IRS2: variants seen among roughly 807,000 people sequenced by gnomAD.
IRS2 encodes insulin receptor substrate 2.
In IRS2, 28 loss-of-function variants were observed where a neutral mutation model predicts 70.9. The observed-to-expected ratio is 0.39, with a 90% confidence interval of 0.29 to 0.54. The LOEUF is 0.54. IRS2 is among the 20% of genes least tolerant of loss of function. IRS2 has a pLI of 0.59. For missense variants in IRS2, 2,081 were observed against 2,024.1 expected (o/e 1.03, Z -0.54); for synonymous variants, 1,217 against 981.9 (o/e 1.24, Z -4.48).
In IRS2 at chr13:109,753,915, A is replaced by G; in HGVS notation, c.*2389T>C. The G allele has an allele frequency of 4.3e-6, 1 of 231,912 alleles. No homozygotes were observed. The highest frequency in any genetic ancestry group is 6.2e-5 in the East Asian group (1 of 16,222). 14.4% of individuals were successfully genotyped at this position (231,912 alleles called of 1,614,324 possible). A position where few individuals can be genotyped will look rare whatever the true frequency, so the allele number is the denominator to read the frequency against. On this transcript the variant is annotated 3_prime_UTR_variant, in exon 2 of 2. Transcript: ENST00000375856. Reference sequence around the variant, plus strand: ...CATCCATGATCAATACAGACTAAATACAATGCACTATTCTAGTCCAGTTTA... The same window carrying G: ...CATCCATGATCAATACAGACTAAATGCAATGCACTATTCTAGTCCAGTTTA...
At chr13:109,780,275 ACTG>A (rs926732335) in intron 1 of IRS2, among the ~76,000 whole-genome samples, 28 of 152,166 alleles carry the variant, frequency 1.8e-4, no homozygotes, top group Admixed American at 1.3e-4. Flanking sequence ...ACTCAATTAT[ACTG>A]CTGCTGCTGC....
rs762509739 is a variant in IRS2 at position 109,782,128 on chromosome 13, G to A, written c.3926C>T (p.Pro1309Leu). The change falls in exon 1 of 2, where the codon CCG becomes CTG. Residue 1309 changes from proline to leucine, a missense_variant. By Grantham distance (98) the Pro-to-Leu change is moderately conservative. Coordinates refer to ENST00000375856, the MANE Select transcript of IRS2 (RefSeq NM_003749.3). ...GGCAGGGGGCAGGGCACCGGGACCCGGCCCCCCGCACCCGCCGCCGGTGCT... is the reference window on the plus strand; with the variant it reads ...GGCAGGGGGCAGGGCACCGGGACCCAGCCCCCCGCACCCGCCGCCGGTGCT... ...VGSTGGGCGGPGPGALPPANT... is the reference protein window; with the variant it reads ...VGSTGGGCGGLGPGALPPANT... The A allele has an allele frequency of 1.9e-6, 3 of 1,608,516 alleles. No homozygotes were observed. The highest frequency in any genetic ancestry group is 1.3e-5 in the African/African-American group (1 of 74,980).
In IRS2 at chr13:109,783,010, G is replaced by T. The variant is rs1240130819; in HGVS notation, c.3044C>A (p.Pro1015Gln). The change falls in exon 1 of 2, where the codon CCG becomes CAG. Residue 1015 changes from proline to glutamine, a missense_variant. Coordinates refer to ENST00000375856, the MANE Select transcript of IRS2 (RefSeq NM_003749.3). ...LLSPEASSPY[P>Q]PLPPRPSASP... ...CGCGGACGGACGCGGGGGCAACGGC[G>T]GATACGGGGAGGAGGCCTCGGGGGA... 4 of 1,363,144 alleles carry T rather than the reference G, an allele frequency of 2.9e-6. No homozygotes were observed. The highest frequency in any genetic ancestry group is 3.8e-6 in the Non-Finnish European group (4 of 1,062,818). The allele number at this position is 1,363,144 out of a possible 1,614,324, so 84.4% of individuals were successfully genotyped here.
Position 109,785,086 on chromosome 13 carries a change from C to T in IRS2, c.968G>A (p.Arg323His), listed in dbSNP as rs2138937454. 2 of 1,580,090 alleles carry T rather than the reference C, an allele frequency of 1.3e-6. No homozygotes were observed. The highest frequency in any genetic ancestry group is 8.6e-7 in the Non-Finnish European group (1 of 1,164,388). Residue 323 changes from arginine to histidine, a missense_variant, in exon 1 of 2, where the codon CGC becomes CAC. By Grantham distance (29) the Arg-to-His change is conservative (BLOSUM62 0). Transcript: ENST00000375856. This position sits in a 1 kb window ranked among gnomAD's most constrained non-coding sequence, Gnocchi z 9.3. ...CAGGTTGACCAGGTGGTGGTGGCGG[C>T]GCGCGCCGGGGACGCTGATGGGGTG... is the stretch of plus-strand genomic sequence containing the variant. ...ATHPISVPGA[R>H]RHHHLVNLPP...
chr13:109,783,942 A>C lies in IRS2; in HGVS notation c.2112T>G (p.Ser704=). ...TGGGTGCTGGCCCCGCAGGCCCCGC[A>C]GAAGGCACGGCGGCGGCGGCGGCGG... The part of the protein sequence containing the change: ...AAAAAAAAVP[S]AGPAGPAPTS... Residue 704 remains serine, a synonymous_variant, in exon 1 of 2, where the codon TCT becomes TCG. Coordinates refer to ENST00000375856, the MANE Select transcript of IRS2 (RefSeq NM_003749.3). 1 of 1,536,000 alleles carries C rather than the reference A, an allele frequency of 6.5e-7. No homozygotes were observed. Among genetic ancestry groups the C allele is most frequent in the African/African-American group, 1.4e-5 (1 of 72,490 alleles).
Position 109,752,795 on chromosome 13 carries a change from C to T in IRS2, c.*3509G>A, listed in dbSNP as rs1435657612. The T allele has an allele frequency of 2.6e-5, 4 of 152,186 alleles. No individual in the cohort carries two copies. The highest frequency in any genetic ancestry group is 5.9e-5 in the Non-Finnish European group (4 of 68,020). The allele number at this position is 152,186 out of a possible 1,614,324, so 9.4% of individuals were successfully genotyped here. On this transcript the variant is annotated 3_prime_UTR_variant, in exon 2 of 2. Transcript: ENST00000375856. ...TGGATGCACGGACAAATGTTTCAAGCAAGGAGGTAAAACTCTCCTGGATAA... is the reference window on the plus strand; with the variant it reads ...TGGATGCACGGACAAATGTTTCAAGTAAGGAGGTAAAACTCTCCTGGATAA...
At position 109,783,871 on chromosome 13, in the gene IRS2, T is replaced by G. The variant is rs1877815298; in HGVS notation, c.2183A>C (p.Lys728Thr). The change falls in exon 1 of 2, where the codon AAG becomes ACG. Residue 728 changes from lysine (K) to threonine (T), a missense_variant. By Grantham distance (78) the Lys-to-Thr change is moderately conservative. This residue lies in a region of IRS2 where 1,615 missense variants were observed against 1,459.5 expected (regional missense o/e 1.11). Coordinates refer to ENST00000375856, the MANE Select transcript of IRS2 (RefSeq NM_003749.3). The part of the protein sequence containing the change: ...RTFPASGGGY[K>T]ASSPAESSPE... ...GGAGCTCTCGGCGGGCGAGCTGGCC[T>G]TGTAGCCGCCCCCGCTCGCCGGGAA... The G allele has an allele frequency of 6.4e-7, 1 of 1,552,030 alleles. No individual in the cohort carries two copies. Among genetic ancestry groups the G allele is most frequent in the Non-Finnish European group, 8.7e-7 (1 of 1,148,298 alleles).
In IRS2 at chr13:109,784,022, T is replaced by G; in HGVS notation, c.2032A>C (p.Met678Leu). Residue 678 changes from methionine to leucine, a missense_variant, in exon 1 of 2, where the codon ATG becomes CTG. Transcript: ENST00000375856. The surrounding 1 kb of genome is among the most constrained non-coding windows in gnomAD (Gnocchi z 5.2). ...GGGGCGGACACGCTGGCGGGGCTCATGGGCATGTAGTCGTCGCTCCTGCAG... is the reference window on the plus strand; with the variant it reads ...GGGGCGGACACGCTGGCGGGGCTCAGGGGCATGTAGTCGTCGCTCCTGCAG... The part of the protein sequence containing the change: ...GSCRSDDYMP[M>L]SPASVSAPKQ... 1 of 1,538,254 alleles carries G rather than the reference T, an allele frequency of 6.5e-7. No individual in the cohort carries two copies. The highest frequency in any genetic ancestry group is 8.7e-7 in the Non-Finnish European group (1 of 1,147,088).
intron 1 of IRS2, among the ~76,000 whole-genome samples, chr13:109,781,296 C>T (rs1267809636): frequency 1.3e-5 from 2 of 152,142 alleles, no homozygotes; most frequent in South Asian, 2.1e-4. Context: ...GGCCGCGCCC[C>T]AAAGCTACAG....
At position 109,785,381 on chromosome 13, in the gene IRS2, T is replaced by C; in HGVS notation, c.673A>G (p.Thr225Ala). 1 of 1,612,372 alleles carries C rather than the reference T, an allele frequency of 6.2e-7. No individual in the cohort carries two copies. The highest frequency in any genetic ancestry group is 1.1e-5 in the South Asian group (1 of 91,050). Residue 225 changes from threonine to alanine, a missense_variant, in exon 1 of 2, where the codon ACC (threonine) becomes GCC (alanine). Physicochemically the swap from Thr to Ala is moderately conservative, Grantham distance 58 (BLOSUM62 0). This residue lies in a region of IRS2 where 320 missense variants were observed against 352.9 expected (regional missense o/e 0.91). Transcript: ENST00000375856. This position sits in a 1 kb window ranked among gnomAD's most constrained non-coding sequence, Gnocchi z 9.3. ...GVYRLCLSAR[T>A]IGFVKLNCEQ... ...CAGTTGAGCTTCACGAAGCCGATGG[T>C]GCGCGCAGACAGGCACAGACGGTAC...
At chr13:109,756,543 T>C (rs1877110449) in intron 1 of IRS2, among the ~76,000 whole-genome samples, 3 of 152,324 alleles carry the variant, frequency 2.0e-5, no homozygotes, top group African/African-American at 7.2e-5. Flanking sequence ...TCTAGACAGT[T>C]AGGTTCGTAT....
chr13:109,786,194 G>T lies in IRS2; in HGVS notation c.-141C>A. On this transcript the variant is annotated 5_prime_UTR_variant, in exon 1 of 2. Transcript: ENST00000375856. The surrounding 1 kb of genome is among the most constrained non-coding windows in gnomAD (Gnocchi z 4.4). ...ATCACGCGTCCCTCGGGCCCAGGCG[G>T]TGGGGAAGGTCCGGGGAGGCCCGCG... 5.5e-6 allele frequency: 2 copies of T among 365,356 alleles called. No individual in the cohort carries two copies. Among genetic ancestry groups the T allele is most frequent in the Non-Finnish European group, 7.5e-6 (2 of 265,730 alleles). The allele number at this position is 365,356 out of a possible 1,614,324, so 22.6% of individuals were successfully genotyped here.
At chr13:109,772,860 T>C (rs1323967982) in intron 1 of IRS2, among the ~76,000 whole-genome samples, 1 of 151,286 alleles carries the variant, frequency 6.6e-6, no homozygotes, top group Non-Finnish European at 1.5e-5. Flanking sequence ...CGCACCCGGC[T>C]AATTTTTTGT....
intron 1 of IRS2, 147 bp from the exon 2 acceptor site, chr13:109,756,455 T>G: frequency 1.4e-6 from 1 of 722,886 alleles, no homozygotes; most frequent in Non-Finnish European, 2.5e-6. Context: ...ATGTATTCAT[T>G]CTGTTTTCCA....
intron 1 of IRS2, among the ~76,000 whole-genome samples, chr13:109,772,231 G>T (rs1877467615): frequency 1.3e-5 from 2 of 152,174 alleles, no homozygotes; most frequent in African/African-American, 4.8e-5. Context: ...ATTTTCGGTG[G>T]TTCATAGCAC....
At chr13:109,757,977 C>T (rs745598600) in intron 1 of IRS2, among the ~76,000 whole-genome samples, 3 of 152,258 alleles carry the variant, frequency 2.0e-5, no homozygotes, top group East Asian at 1.9e-4. Context: ...CCACTGCGGC[C>T]GGCCTATCTT....
At chr13:109,759,062 C>G (rs1011534758) in intron 1 of IRS2, among the ~76,000 whole-genome samples, 2 of 152,190 alleles carry the variant, frequency 1.3e-5, no homozygotes, top group Non-Finnish European at 2.9e-5. Flanking sequence ...ACCACCCGCT[C>G]AGAGCCAGGC....
chr13:109,775,875 C>T (rs1474102463), intron 1 of IRS2, among the ~76,000 whole-genome samples: 4 of 151,994 alleles, frequency 2.6e-5, no homozygotes, highest in South Asian at 2.1e-4. Context: ...TTAGGCCGGG[C>T]GCAGTGGCTT....
At position 109,782,845 on chromosome 13, in the gene IRS2, C is replaced by G; in HGVS notation, c.3209G>C (p.Gly1070Ala). The G allele has an allele frequency of 6.3e-7, 1 of 1,584,844 alleles. No homozygotes were observed. The highest frequency in any genetic ancestry group is 8.6e-7 in the Non-Finnish European group (1 of 1,166,924). The stretch of plus-strand genomic sequence containing the variant: ...ACCAAAAGCCATCTCGGTGTAGTCA[C>G]CATTGTCCCCGGTGTCCGAGGACAA... ...SSLSSDTGDN[G>A]DYTEMAFGVA... The change falls in exon 1 of 2, where the codon GGT becomes GCT. Residue 1070 changes from glycine (G) to alanine (A), a missense_variant. This residue lies in a region of IRS2 where 1,615 missense variants were observed against 1,459.5 expected (regional missense o/e 1.11). Coordinates refer to ENST00000375856, the MANE Select transcript of IRS2 (RefSeq NM_003749.3).
Sources: allele counts gnomAD v4.1 joint callset (sites outside exome capture counted in the v4.1 genomes callset), GRCh38; gene constraint gnomAD v4.1.1; regional missense constraint gnomAD v4.1.1; non-coding constraint Gnocchi (gnomAD v3.1); transcripts MANE v1.5; gene names NCBI Gene and HGNC (gene_info 2026-07-23, HGNC 2026-07-21).